Variants in RNF216 observed in about 807,000 individuals in gnomAD.
RNF216 encodes E3 ubiquitin-protein ligase RNF216.
Under a neutral mutation model 110.8 loss-of-function variants are expected in RNF216, and 72 were observed. The observed-to-expected ratio is 0.65, with a 90% CI of 0.54 to 0.79. The LOEUF is 0.79. Among genes scored for constraint, RNF216 ranks in the 30% least tolerant of loss-of-function variants. The probability of loss-of-function intolerance (pLI) is 0.00; values close to 1 mark genes in which losing one functional copy is unlikely to be tolerated. For missense variants in RNF216, 1,342 were observed against 1,141.2 expected, an observed-to-expected ratio of 1.18 and a Z score of -2.54; for synonymous variants, 495 against 407.5, an observed-to-expected ratio of 1.21 and a Z score of -2.59.
At chr7:5,781,358 G>A (rs1460147643) in intron 1 of RNF216, among the ~76,000 whole-genome samples, 183 bp downstream of exon 1, 1 of 151,938 alleles carries the variant, frequency 6.6e-6, no homozygotes, top group Non-Finnish European at 1.5e-5. Context: ...GGCTCGAGAC[G>A]CCCAGCCCAG....
rs941861619 is a variant in RNF216, at chr7:5,624,117, A to C, written c.2391T>G (p.Asp797Glu). 3 of 1,613,316 alleles carry C rather than the reference A, an allele frequency of 1.9e-6. No individual in the cohort carries two copies. The highest frequency in any genetic ancestry group is 2.5e-6 in the Non-Finnish European group (3 of 1,179,890). The change falls in exon 16 of 17, where the codon GAT becomes GAG. Residue 797 changes from aspartate (D) to glutamate (E), a missense_variant. Physicochemically the swap from Asp to Glu is conservative, Grantham distance 45. Transcript: ENST00000389902. The surrounding 1 kb of genome is among the most constrained non-coding windows in gnomAD (Gnocchi z 4.4). ...CSLWTDPTED[D>E]EKLIEEIQKE... ...TCTGGATTTCCTCAATAAGCTTCTCATCATCTTCCTAAAACGCAAGCAATG... is the reference window on the plus strand; with the variant it reads ...TCTGGATTTCCTCAATAAGCTTCTCCTCATCTTCCTAAAACGCAAGCAATG...
chr7:5,706,024 T>C (rs1249876257), intron 13 of RNF216, among the ~76,000 whole-genome samples: 3 of 150,662 alleles, frequency 2.0e-5, no homozygotes, highest in Non-Finnish European at 4.4e-5. Flanking sequence ...ATCAAGATCA[T>C]CCTGGCTAAC....
intron 13 of RNF216, among the ~76,000 whole-genome samples, chr7:5,677,219 C>T (rs1205180463): frequency 6.6e-6 from 1 of 152,196 alleles, no homozygotes; most frequent in Non-Finnish European, 1.5e-5. Flanking sequence ...AGAGACTGCT[C>T]AGCACGTGCT....
At chr7:5,694,681 G>A (rs375051555) in intron 13 of RNF216, among the ~76,000 whole-genome samples, 50 of 152,372 alleles carry the variant, frequency 3.3e-4, no homozygotes, top group African/African-American at 9.9e-4. Flanking sequence ...CTGGAGCAGA[G>A]ATGTGTATGG....
Position 5,736,708 on chromosome 7 carries a change from C to T in RNF216, c.1121+2568G>A, listed in dbSNP as rs1454084428. On this transcript the variant is annotated intron_variant, in intron 5 of 16. Transcript: ENST00000389902. ...CTGCCGGGCCACCCATCATCTGAGA[C>T]GTGGGGAGCGCCTCTGCCCCGCCGC... 4.6e-5 allele frequency among the ~76,000 whole-genome samples: 7 copies of T among 150,916 alleles called. No homozygotes were observed. In the South Asian group the frequency reaches 6.3e-4, roughly 14 times the overall value.
intron 13 of RNF216, among the ~76,000 whole-genome samples, chr7:5,681,246 C>T (rs528499345): frequency 6.6e-6 from 1 of 152,308 alleles, no homozygotes; most frequent in Non-Finnish European, 1.5e-5. Flanking sequence ...TAGGAACCTC[C>T]CTACCTCAGG....
chr7:5,673,912 G>A (rs988048549), intron 13 of RNF216, among the ~76,000 whole-genome samples: 1 of 145,004 alleles, frequency 6.9e-6, no homozygotes, highest in Non-Finnish European at 1.5e-5. Context: ...CCAGGCTGGT[G>A]TGCACTGGCA....
chr7:5,642,239 G>C (rs1199870849), intron 14 of RNF216, among the ~76,000 whole-genome samples: 1 of 149,872 alleles, frequency 6.7e-6, no homozygotes, highest in Non-Finnish European at 1.5e-5. Context: ...TTGAGACAGA[G>C]TCTTGCTCTG....
intron 10 of RNF216, among the ~76,000 whole-genome samples, chr7:5,716,119 T>G (rs1351820348): frequency 6.6e-6 from 1 of 152,170 alleles, no homozygotes; most frequent in Non-Finnish European, 1.5e-5. Context: ...CTCAAACTCC[T>G]GGGCTCAAGC....
At chr7:5,687,261 T>G (rs575389465) in intron 13 of RNF216, among the ~76,000 whole-genome samples, 1 of 151,740 alleles carries the variant, frequency 6.6e-6, no homozygotes, top group East Asian at 1.9e-4. Flanking sequence ...CTGGGCATGG[T>G]GGCGGGCGCC....
At chr7:5,765,629 G>T (rs961867781) in intron 1 of RNF216, among the ~76,000 whole-genome samples, 2 of 150,718 alleles carry the variant, frequency 1.3e-5, no homozygotes, top group African/African-American at 4.9e-5. Flanking sequence ...CCCTGCCTCT[G>T]AAACAAACAA....
intron 1 of RNF216, among the ~76,000 whole-genome samples, chr7:5,779,825 C>A (rs1423023240): frequency 1.5e-5 from 1 of 65,668 alleles, no homozygotes; most frequent in East Asian, 1.7e-3. Context: ...CCAGACTCCG[C>A]CTCAAAAAAA....
chr7:5,780,514 C>A (rs1012210999), intron 1 of RNF216, among the ~76,000 whole-genome samples: 2 of 152,054 alleles, frequency 1.3e-5, no homozygotes, highest in African/African-American at 4.8e-5. Context: ...CTGGCCAACA[C>A]GGAGAAATCC....
At chr7:5,705,962 C>CA (rs917967349) in intron 13 of RNF216, among the ~76,000 whole-genome samples, 27 of 150,480 alleles carry the variant, frequency 1.8e-4, no homozygotes, top group African/African-American at 6.4e-4. Flanking sequence ...CAAAACAAAA[C>CA]AAAACACCAC....
In RNF216 at chr7:5,654,031, G is replaced by A. The variant is rs144354510; in HGVS notation, c.2062-1521C>T. ...CCCCCAAAAGGTGCCAAGTACGGAA[G>A]TAACACGATCAGGTATGTCTTTTAA... On this transcript the variant is annotated intron_variant, in intron 13 of 16. Coordinates refer to ENST00000389902, the MANE Select transcript of RNF216 (RefSeq NM_207111.4). 5.6e-3 allele frequency among the ~76,000 whole-genome samples: 859 copies of A among 152,286 alleles called. 6 individuals are homozygous for A. The highest frequency in any genetic ancestry group is 0.019 in the African/African-American group (787 of 41,560).
intron 14 of RNF216, among the ~76,000 whole-genome samples, chr7:5,643,404 A>G (rs1164242151): frequency 1.3e-5 from 2 of 150,980 alleles, no homozygotes; most frequent in African/African-American, 4.9e-5. Flanking sequence ...ACAGCCCCGC[A>G]GGATGTGCTC....
chr7:5,694,230 G>T (rs1287964462), intron 13 of RNF216, among the ~76,000 whole-genome samples: 1 of 152,138 alleles, frequency 6.6e-6, no homozygotes, highest in Non-Finnish European at 1.5e-5. Flanking sequence ...TTATTTGCTG[G>T]AACAGTTTTC....
chr7:5,761,769 G>C (rs1171963005), intron 1 of RNF216, among the ~76,000 whole-genome samples: 1 of 150,580 alleles, frequency 6.6e-6, no homozygotes, highest in Non-Finnish European at 1.5e-5. Context: ...CTGGGCAACA[G>C]AGTGAGACTC....
intron 3 of RNF216, 143 bp downstream of exon 3, chr7:5,752,703 A>C: frequency 1.4e-6 from 1 of 707,568 alleles, no homozygotes; most frequent in South Asian, 2.1e-5. Flanking sequence ...TAAATCTAAG[A>C]GTACACGAGG....
Sources: gnomAD v4.1 joint callset for allele counts (sites outside exome capture counted in the v4.1 genomes callset) on GRCh38, gnomAD v4.1.1 for gene constraint, Gnocchi (gnomAD v3.1) non-coding constraint, MANE v1.5 for transcripts, NCBI Gene and HGNC (gene_info 2026-07-23, HGNC 2026-07-21) for gene names.